The following FSIP1 variants were observed in gnomAD, a reference collection of about 807,000 sequenced individuals.
FSIP1 encodes fibrous sheath interacting protein 1.
A neutral mutation model predicts 60.9 loss-of-function variants in FSIP1; 65 were observed. The observed-to-expected ratio is 1.07, with a 90% CI of 0.87 to 1.31. The LOEUF (loss-of-function observed/expected upper bound fraction) is 1.31. FSIP1 is among the 40% of genes most tolerant of loss of function. FSIP1 has a pLI of 0.00. For missense variants in FSIP1, 675 were observed against 665.5 expected, an observed-to-expected ratio of 1.01 and a Z score of -0.16; for synonymous variants, 209 against 221.2, an observed-to-expected ratio of 0.94 and a Z score of 0.49.
At chr15:39,687,534 A>C (rs1894432562) in intron 10 of FSIP1, among the ~76,000 whole-genome samples, 1 of 152,182 alleles carries the variant, frequency 6.6e-6, no homozygotes, top group South Asian at 2.1e-4. Flanking sequence ...AGTCACTTGC[A>C]GAGTTGGTCC....
chr15:39,609,865 T>C (rs189731131), intron 11 of FSIP1, among the ~76,000 whole-genome samples: 61 of 152,342 alleles, frequency 4.0e-4, no homozygotes, highest in African/African-American at 1.3e-3. Context: ...AAGTTCCACT[T>C]GACCTCAAAG....
At chr15:39,769,885 T>C (rs1021411) in intron 3 of FSIP1, among the ~76,000 whole-genome samples, 64,285 of 152,042 alleles carry the variant, frequency 0.42, 14,476 homozygotes, top group Admixed American at 0.5. Context: ...GCAAATAGCA[T>C]CTCAGCATTA....
intron 5 of FSIP1, among the ~76,000 whole-genome samples, chr15:39,761,606 G>C (rs995402941): frequency 3.9e-5 from 6 of 152,142 alleles, no homozygotes. Context: ...AGGGTACAAA[G>C]TCTCAGTTAG....
intron 10 of FSIP1, among the ~76,000 whole-genome samples, chr15:39,652,344 G>C (rs1291973839): frequency 2.6e-5 from 4 of 152,166 alleles, no homozygotes; most frequent in South Asian, 2.1e-4. Context: ...AGAGCAAGAA[G>C]TGATGTTTTG....
At chr15:39,769,572 TC>T (rs1386439503) in intron 3 of FSIP1, among the ~76,000 whole-genome samples, 2 of 152,334 alleles carry the variant, frequency 1.3e-5, no homozygotes, top group East Asian at 3.9e-4. Context: ...GTACTTTTCT[TC>T]AACACAACCT....
chr15:39,693,333 T>TA (rs1367810153), intron 10 of FSIP1, among the ~76,000 whole-genome samples: 1 of 152,172 alleles, frequency 6.6e-6, no homozygotes, highest in Admixed American at 6.5e-5. Flanking sequence ...AAAAACAGTA[T>TA]AAAAATGATT....
intron 10 of FSIP1, among the ~76,000 whole-genome samples, chr15:39,643,466 G>C (rs1404041913): frequency 2.0e-5 from 3 of 152,104 alleles, no homozygotes; most frequent in Non-Finnish European, 4.4e-5. Flanking sequence ...GTTAATGCGG[G>C]CATTACCAAA....
intron 8 of FSIP1, among the ~76,000 whole-genome samples, chr15:39,733,898 G>GTA: frequency 6.6e-6 from 1 of 152,052 alleles, no homozygotes; most frequent in East Asian, 1.9e-4. Flanking sequence ...CTAGAAAAAA[G>GTA]TAAACTCTTT....
intron 10 of FSIP1, among the ~76,000 whole-genome samples, chr15:39,685,141 C>T (rs1894313620): frequency 6.6e-6 from 1 of 152,168 alleles, no homozygotes; most frequent in South Asian, 2.1e-4. Flanking sequence ...GCTGCATTTG[C>T]AAATTCCAAG....
At chr15:39,780,516 T>C (rs901121462) in intron 1 of FSIP1, among the ~76,000 whole-genome samples, 3 of 152,014 alleles carry the variant, frequency 2.0e-5, no homozygotes, top group African/African-American at 7.3e-5. Flanking sequence ...CGAGACTCCG[T>C]GTCAAAAAAA....
At chr15:39,758,870 T>C (rs934501106) in intron 5 of FSIP1, among the ~76,000 whole-genome samples, 1 of 151,430 alleles carries the variant, frequency 6.6e-6, no homozygotes, top group African/African-American at 2.4e-5. Flanking sequence ...AAATAGAAAA[T>C]CTGAAAATAA....
At chr15:39,622,730 GA>G (rs1891485385) in intron 10 of FSIP1, among the ~76,000 whole-genome samples, 2 of 152,182 alleles carry the variant, frequency 1.3e-5, no homozygotes, top group African/African-American at 4.8e-5. Context: ...CCGTGGACTT[GA>G]AATTTGAATC....
At chr15:39,761,271 C>T (rs2140696906) in intron 5 of FSIP1, among the ~76,000 whole-genome samples, 1 of 152,314 alleles carries the variant, frequency 6.6e-6, no homozygotes, top group East Asian at 1.9e-4. Flanking sequence ...TGTCTGCTCT[C>T]CCATGCTCAC....
intron 5 of FSIP1, among the ~76,000 whole-genome samples, chr15:39,749,045 A>G (rs1027604313): frequency 5.9e-5 from 9 of 152,018 alleles, no homozygotes; most frequent in African/African-American, 1.9e-4. Context: ...AAAAAATTTG[A>G]TAACCTAGAG....
intron 4 of FSIP1, among the ~76,000 whole-genome samples, chr15:39,764,929 T>C (rs1043388123): frequency 6.6e-6 from 1 of 152,220 alleles, no homozygotes; most frequent in Non-Finnish European, 1.5e-5. Flanking sequence ...ACATACTTGA[T>C]GAAAGCAGCT....
chr15:39,605,777 T>C (rs1422108568), intron 11 of FSIP1, among the ~76,000 whole-genome samples: 8 of 152,342 alleles, frequency 5.3e-5, no homozygotes, highest in Middle Eastern at 6.8e-3. Flanking sequence ...TTAAACGCCA[T>C]GTAAGCCAAC....
At chr15:39,687,131 C>CTT (rs1257222795) in intron 10 of FSIP1, among the ~76,000 whole-genome samples, 1 of 46,300 alleles carries the variant, frequency 2.2e-5, no homozygotes, top group Non-Finnish European at 4.3e-5. Context: ...TCTTTCTTTT[C>CTT]TTTTCCTTTT....
At chr15:39,659,260 G>A (rs1033400909) in intron 10 of FSIP1, among the ~76,000 whole-genome samples, 1 of 152,000 alleles carries the variant, frequency 6.6e-6, no homozygotes. Context: ...AAAAAACACT[G>A]GGCTGGACGC....
intron 10 of FSIP1, among the ~76,000 whole-genome samples, chr15:39,681,045 C>T (rs1236120197): frequency 6.6e-6 from 1 of 152,148 alleles, no homozygotes; most frequent in African/African-American, 2.4e-5. Context: ...AGACCAGCCA[C>T]GACCCCCTTC....
Sources: gnomAD v4.1 joint callset for allele counts (sites outside exome capture counted in the v4.1 genomes callset) on GRCh38, gnomAD v4.1.1 for gene constraint, MANE v1.5 for transcripts, NCBI Gene and HGNC (gene_info 2026-07-23, HGNC 2026-07-21) for gene names.